Variants in POMK observed in about 807,000 individuals in gnomAD.
POMK encodes the protein Sugen kinase 196.
Under a neutral mutation model 23.0 loss-of-function variants are expected in POMK, and 19 were observed. That is an observed-to-expected ratio of 0.83 (90% CI 0.58 to 1.21). POMK has a LOEUF of 1.21. Ranked by LOEUF, POMK falls within the 50% of genes most tolerant of loss-of-function variation. The pLI, the probability that POMK is intolerant of heterozygous loss-of-function variation, is 0.00. For synonymous variants in POMK, 173 were observed against 171.6 expected (o/e 1.01, Z -0.06); for missense variants, 410 against 431.3 (o/e 0.95, Z 0.44).
rs141697486 is a variant in POMK, at chr8:43,120,428, C to T, written c.283-1679C>T. 4.3e-3 allele frequency among the ~76,000 whole-genome samples: 660 copies of T among 151,794 alleles called. 8 individuals carry two copies. The highest frequency in any genetic ancestry group is 0.015 in the African/African-American group (631 of 41,374). On this transcript the variant is annotated intron_variant, in intron 4 of 4. Coordinates refer to ENST00000331373, the MANE Select transcript of POMK (RefSeq NM_032237.5). ...TAGGTTTTAGGTTTCGTCATGTTGGCTAGGCTGGTCTCCAACTCCTGACCT... is the reference window on the plus strand; with the variant it reads ...TAGGTTTTAGGTTTCGTCATGTTGGTTAGGCTGGTCTCCAACTCCTGACCT...
Position 43,099,567 on chromosome 8 carries a change from G to T in POMK, c.-118+1952G>T, listed in dbSNP as rs549921039. Among the ~76,000 whole-genome samples, 3 of 152,322 alleles carry T rather than the reference G, an allele frequency of 2.0e-5. No individual in the cohort carries two copies. The East Asian group carries it at 5.8e-4, about 29-fold the overall frequency. On this transcript the variant is annotated intron_variant, in intron 2 of 4. Transcript: ENST00000331373. ...GTTTAAGGAGGGAGTTATCAATCACGGTAGATGCTATTGATAGATCAAGGA... is the reference window on the plus strand; with the variant it reads ...GTTTAAGGAGGGAGTTATCAATCACTGTAGATGCTATTGATAGATCAAGGA...
At chr8:43,100,716 G>A (rs1364331201) in intron 2 of POMK, among the ~76,000 whole-genome samples, 1 of 152,046 alleles carries the variant, frequency 6.6e-6, no homozygotes, top group East Asian at 1.9e-4. Context: ...GGGATCTGAT[G>A]GAGGGAGGAC....
At chr8:43,100,328 C>T (rs1421546910) in intron 2 of POMK, among the ~76,000 whole-genome samples, 2 of 151,872 alleles carry the variant, frequency 1.3e-5, no homozygotes, top group East Asian at 1.9e-4. Flanking sequence ...GTGAGGGACC[C>T]GTGGGTGTAT....
At chr8:43,109,755 C>G (rs763424268) in intron 4 of POMK, among the ~76,000 whole-genome samples, 5 of 151,770 alleles carry the variant, frequency 3.3e-5, no homozygotes, top group Non-Finnish European at 5.9e-5. Flanking sequence ...GTTGGCCAGG[C>G]TGGTCTCGAA....
rs1465013639 is a variant in POMK, at chr8:43,097,624, TGCTGCTGGCTCACGCAGC to T, written c.-118+11_-118+28del. The T allele has an allele frequency of 6.6e-6, 1 of 151,942 alleles. No individual in the cohort carries two copies. Among genetic ancestry groups the T allele is most frequent in the Non-Finnish European group, 1.5e-5 (1 of 68,030 alleles). 9.4% of individuals were successfully genotyped at this position (151,942 alleles called of 1,614,324 possible). On this transcript the variant is annotated intron_variant, in intron 2 of 4. Transcript: ENST00000331373. ...CTATTGTGGAAACCCAGGTGAGAGG[TGCTGCTGGCTCACGCAGC>T]GGGGTGGAGGGGAAGGGCAGCAAGG... is the stretch of plus-strand genomic sequence containing the variant.
chr8:43,096,923 T>C (rs980854700), intron 1 of POMK, among the ~76,000 whole-genome samples: 1 of 152,154 alleles, frequency 6.6e-6, no homozygotes, highest in South Asian at 2.1e-4. Flanking sequence ...TGAAAACATA[T>C]GTATGATTTA....
intron 4 of POMK, among the ~76,000 whole-genome samples, chr8:43,119,665 C>T (rs1019105258): frequency 2.6e-5 from 4 of 151,984 alleles, no homozygotes; most frequent in Non-Finnish European, 1.5e-5. Context: ...ATCTCCTGAC[C>T]TTGTGATCCT....
chr8:43,098,374 T>C (rs1383630504), intron 2 of POMK, among the ~76,000 whole-genome samples: 1 of 152,234 alleles, frequency 6.6e-6, no homozygotes, highest in Non-Finnish European at 1.5e-5. Context: ...TCTTACAGCA[T>C]GTGGCCTTTT....
Position 43,114,953 on chromosome 8 carries a change from T to C in POMK, c.283-7154T>C, listed in dbSNP as rs561874884. The stretch of plus-strand genomic sequence containing the variant: ...GTCAAATTTTTTTTTCTCATCGTTA[T>C]AATGAAATGACTTATTGAAGGGCCT... On this transcript the variant is annotated intron_variant, in intron 4 of 4. Transcript: ENST00000331373. Among the ~76,000 whole-genome samples, 32 of 152,320 alleles carry C rather than the reference T, an allele frequency of 2.1e-4. No individual in the cohort carries two copies. The South Asian group carries it at 5.4e-3, about 26-fold the overall frequency.
chr8:43,116,332 G>A (rs898935283), intron 4 of POMK, among the ~76,000 whole-genome samples: 2 of 152,178 alleles, frequency 1.3e-5, no homozygotes, highest in African/African-American at 4.8e-5. Flanking sequence ...GAGTGCAGTG[G>A]TGCGATCATA....
rs913918234 is a variant in POMK at position 43,122,992 on chromosome 8, T to C, written c.*115T>C. 2.3e-5 allele frequency: 21 copies of C among 918,532 alleles called. No individual in the cohort carries two copies. The highest frequency in any genetic ancestry group is 3.3e-5 in the Non-Finnish European group (20 of 611,644). 56.9% of individuals were successfully genotyped at this position (918,532 alleles called of 1,614,324 possible). On this transcript the variant is annotated 3_prime_UTR_variant, in exon 5 of 5. Transcript: ENST00000331373. ...CGTGTTTTATTGTTTTTTTTATGGC[T>C]TAGCCATGTGGTTCGTTGTCCACAT...
At chr8:43,094,709 A>C (rs893199886) in intron 1 of POMK, among the ~76,000 whole-genome samples, 1 of 152,204 alleles carries the variant, frequency 6.6e-6, no homozygotes, top group Non-Finnish European at 1.5e-5. Context: ...AGTTGTAGAA[A>C]ATATCTTGTA....
chr8:43,095,676 A>G (rs1475674952), intron 1 of POMK, among the ~76,000 whole-genome samples: 2 of 152,190 alleles, frequency 1.3e-5, no homozygotes, highest in Non-Finnish European at 2.9e-5. Flanking sequence ...CTTCACTTGC[A>G]CAAATACCTT....
chr8:43,099,928 T>A (rs994917803), intron 2 of POMK, among the ~76,000 whole-genome samples: 3 of 151,984 alleles, frequency 2.0e-5, no homozygotes, highest in African/African-American at 7.3e-5. Flanking sequence ...AGAAGGAGAG[T>A]GTGAGCTTCC....
chr8:43,115,941 G>A (rs1418798531), intron 4 of POMK, among the ~76,000 whole-genome samples: 3 of 152,216 alleles, frequency 2.0e-5, no homozygotes, highest in African/African-American at 7.2e-5. Flanking sequence ...CAGGGCCCTT[G>A]GCCCTTGCTG....
At chr8:43,095,423 T>C (rs1811314799) in intron 1 of POMK, among the ~76,000 whole-genome samples, 1 of 152,192 alleles carries the variant, frequency 6.6e-6, no homozygotes, top group Non-Finnish European at 1.5e-5. Flanking sequence ...ATGTGAGGAC[T>C]TAGGGATATA....
At chr8:43,110,855 G>A (rs1811640143) in intron 4 of POMK, among the ~76,000 whole-genome samples, 1 of 152,126 alleles carries the variant, frequency 6.6e-6, no homozygotes. Flanking sequence ...GGGAGGCGGA[G>A]GTTGCAGTGA....
chr8:43,108,799 A>G (rs1811593149), intron 4 of POMK, among the ~76,000 whole-genome samples: 1 of 152,244 alleles, frequency 6.6e-6, no homozygotes, highest in Non-Finnish European at 1.5e-5. Flanking sequence ...CCAAATTAAA[A>G]CAGCAGTTAT....
At chr8:43,101,171 C>T (rs1463679063) in intron 2 of POMK, among the ~76,000 whole-genome samples, 2 of 151,896 alleles carry the variant, frequency 1.3e-5, no homozygotes, top group Non-Finnish European at 2.9e-5. Flanking sequence ...GCCTGTAATC[C>T]CAGCAATTTG....
Sources: gnomAD v4.1 joint callset for allele counts (sites outside exome capture counted in the v4.1 genomes callset) on GRCh38, gnomAD v4.1.1 for gene constraint, MANE v1.5 for transcripts, NCBI Gene and HGNC (gene_info 2026-07-23, HGNC 2026-07-21) for gene names.